PDZD2: variants seen among roughly 807,000 people sequenced by gnomAD.
The protein encoded by PDZD2 is PDZ domain-containing protein 2.
Under a neutral mutation model 220.7 loss-of-function variants are expected in PDZD2, and 90 were observed. The observed-to-expected ratio is 0.41, with a 90% CI of 0.34 to 0.49. The LOEUF (loss-of-function observed/expected upper bound fraction) is 0.49. Ranked by LOEUF, PDZD2 falls within the 20% of genes least tolerant of loss-of-function variation. The pLI, the probability that PDZD2 is intolerant of heterozygous loss-of-function variation, is 0.28. For synonymous variants in PDZD2, 1,375 were observed against 1,450.5 expected (o/e 0.95, Z 1.18); for missense variants, 3,174 against 3,608.5 (o/e 0.88, Z 3.08).
chr5:31,979,434 G>A (rs1206000011), intron 2 of PDZD2, among the ~76,000 whole-genome samples: 1 of 152,008 alleles, frequency 6.6e-6, no homozygotes, highest in Non-Finnish European at 1.5e-5. Flanking sequence ...AAAAAAATTA[G>A]CCGGGCATGG....
Position 32,087,472 on chromosome 5 carries a change from G to GGAGA in PDZD2, c.4025_4028dup (p.Asp1343GlufsTer16). The GGAGA allele has an allele frequency of 6.2e-7, 1 of 1,613,776 alleles. No homozygotes were observed. Among genetic ancestry groups the GGAGA allele is most frequent in the Non-Finnish European group, 8.5e-7 (1 of 1,179,818 alleles). On this transcript the variant is annotated frameshift_variant, in exon 20 of 25. Coordinates refer to ENST00000438447, the MANE Select transcript of PDZD2 (RefSeq NM_178140.4). LOFTEE classifies it high-confidence loss of function. The surrounding 1 kb of genome is among the most constrained non-coding windows in gnomAD (Gnocchi z 4.0). Reference sequence around the variant, plus strand: ...GACACCAGCTGGTGCTGTCCTGCCAGGAGACCCCCTCACATCCCAGGAGCA... The same window carrying GGAGA: ...GACACCAGCTGGTGCTGTCCTGCCAGGAGAGAGACCCCCTCACATCCCAGGAGCA...
chr5:31,648,558 T>G (rs1227062363), intron 1 of PDZD2, among the ~76,000 whole-genome samples: 1 of 152,158 alleles, frequency 6.6e-6, no homozygotes, highest in African/African-American at 2.4e-5. Context: ...TTAAAATCAC[T>G]GCCATCTCAC....
chr5:31,862,735 A>AT (rs948750996), intron 2 of PDZD2, among the ~76,000 whole-genome samples: 62 of 145,684 alleles, frequency 4.3e-4, no homozygotes, highest in African/African-American at 1.6e-3. Context: ...TAATTTTTAT[A>AT]TTTTTTTTCC....
chr5:31,761,860 C>CAAAAAAAAAAAAA (rs112422855), intron 1 of PDZD2, among the ~76,000 whole-genome samples: 3 of 126,614 alleles, frequency 2.4e-5, no homozygotes, highest in African/African-American at 9.2e-5. Context: ...AACTACATCT[C>CAAAAAAAAAAAAA]AAAAAAAAAA....
intron 6 of PDZD2, among the ~76,000 whole-genome samples, chr5:32,020,705 C>T (rs1001254213): frequency 5.4e-5 from 8 of 149,274 alleles, no homozygotes; most frequent in South Asian, 2.1e-4. Flanking sequence ...AGTGCAGTGG[C>T]GCGATCTCGG....
intron 1 of PDZD2, among the ~76,000 whole-genome samples, chr5:31,759,964 G>C (rs1751533640): frequency 6.6e-6 from 1 of 152,144 alleles, no homozygotes; most frequent in Non-Finnish European, 1.5e-5. Context: ...TTTCCAAAAG[G>C]AGATATGGTT....
chr5:31,858,617 C>T (rs1758662368), intron 2 of PDZD2, among the ~76,000 whole-genome samples: 1 of 152,198 alleles, frequency 6.6e-6, no homozygotes, highest in African/African-American at 2.4e-5. Context: ...AGATTTGCAG[C>T]TTGATAACAT....
At chr5:32,031,030 C>CCTT (rs2112192552) in intron 6 of PDZD2, among the ~76,000 whole-genome samples, 1 of 152,176 alleles carries the variant, frequency 6.6e-6, no homozygotes, top group East Asian at 1.9e-4. Flanking sequence ...CCCAGATTAT[C>CCTT]CTTCCAAAGC....
intron 2 of PDZD2, among the ~76,000 whole-genome samples, chr5:31,943,774 C>T (rs987895920): frequency 4.6e-5 from 7 of 152,274 alleles, no homozygotes; most frequent in South Asian, 2.1e-4. Context: ...ATTCCTTTTG[C>T]GCAGGATCTT....
rs375624420 is a variant in PDZD2 at position 31,757,004 on chromosome 5, C to T, written c.-360-41885C>T. Among the ~76,000 whole-genome samples the T allele has an allele frequency of 7.2e-5, 11 of 152,346 alleles. No homozygotes were observed. In the South Asian group the frequency reaches 2.3e-3, roughly 32 times the overall value. On this transcript the variant is annotated intron_variant, in intron 1 of 24. Transcript: ENST00000438447. Reference sequence around the variant, plus strand: ...GTTACAGCATATTAAGAATATGTGGCTGGGTCGGGCGGTTCATGCCTGTAA... The same window carrying T: ...GTTACAGCATATTAAGAATATGTGGTTGGGTCGGGCGGTTCATGCCTGTAA...
chr5:32,073,766 G>C, intron 17 of PDZD2, 66 bp from the exon 18 acceptor site: 1 of 993,482 alleles, frequency 1.0e-6, no homozygotes, highest in South Asian at 1.5e-5. Context: ...GATGGGGTCA[G>C]ATGATAAGAC....
chr5:31,775,148 CTT>C (rs1394776189), intron 1 of PDZD2, among the ~76,000 whole-genome samples: 16 of 152,174 alleles, frequency 1.1e-4, no homozygotes, highest in Admixed American at 1.0e-3. Context: ...CATGCCTAAA[CTT>C]TTCAAAAGTT....
intron 1 of PDZD2, among the ~76,000 whole-genome samples, chr5:31,674,666 T>G (rs916646410): frequency 3.3e-5 from 5 of 152,122 alleles, no homozygotes; most frequent in Non-Finnish European, 7.4e-5. Flanking sequence ...TCTGGGCGAC[T>G]GAGAGTGATG....
intron 1 of PDZD2, among the ~76,000 whole-genome samples, chr5:31,670,938 C>G (rs1746192612): frequency 6.6e-6 from 1 of 152,104 alleles, no homozygotes. Flanking sequence ...CCACCAAGAC[C>G]CCTGGACTCA....
At chr5:31,643,901 C>T (rs1283109763) in intron 1 of PDZD2, among the ~76,000 whole-genome samples, 1 of 152,140 alleles carries the variant, frequency 6.6e-6, no homozygotes. Context: ...TCACAGCAGC[C>T]TTGACCTCCC....
chr5:31,908,864 G>T (rs1036686420), intron 2 of PDZD2: 2 of 481,904 alleles, frequency 4.2e-6, no homozygotes, highest in African/African-American at 3.9e-5. Flanking sequence ...TGGCAACATA[G>T]TGAGACCCTG....
chr5:31,866,088 G>A (rs1026155535), intron 2 of PDZD2, among the ~76,000 whole-genome samples: 6 of 151,846 alleles, frequency 4.0e-5, no homozygotes, highest in African/African-American at 1.5e-4. Flanking sequence ...TGCAACCTCC[G>A]CCTCTCTGGC....
At chr5:31,876,436 G>T (rs533572708) in intron 2 of PDZD2, among the ~76,000 whole-genome samples, 1 of 152,038 alleles carries the variant, frequency 6.6e-6, no homozygotes, top group East Asian at 1.9e-4. Context: ...GGTGTTATAG[G>T]TGCATGCCCT....
chr5:31,819,415 G>T (rs1320491283), intron 2 of PDZD2, among the ~76,000 whole-genome samples: 2 of 152,118 alleles, frequency 1.3e-5, no homozygotes, highest in African/African-American at 4.8e-5. Flanking sequence ...CCAGCACTTT[G>T]TGAGGCTGAG....
Sources: gnomAD v4.1 joint callset for allele counts (sites outside exome capture counted in the v4.1 genomes callset) on GRCh38, gnomAD v4.1.1 for gene constraint, Gnocchi (gnomAD v3.1) non-coding constraint, MANE v1.5 for transcripts, NCBI Gene and HGNC (gene_info 2026-07-23, HGNC 2026-07-21) for gene names.